Variants in LINGO2 observed in about 807,000 individuals in gnomAD.
LINGO2 encodes leucine-rich repeat and immunoglobulin-like domain-containing nogo receptor-interacting protein 2.
A neutral mutation model predicts 30.6 loss-of-function variants in LINGO2; 14 were observed. The observed-to-expected ratio is 0.46, with a 90% CI of 0.30 to 0.72. The LOEUF is 0.72. LINGO2 is among the 30% of genes least tolerant of loss of function. LINGO2 has a pLI of 0.07. For synonymous variants in LINGO2, 317 were observed against 288.5 expected (o/e 1.10, Z -1.00); for missense variants, 729 against 751.7 (o/e 0.97, Z 0.35).
chr9:28,286,807 C>G (rs1823525381), intron 4 of LINGO2, among the ~76,000 whole-genome samples: 1 of 152,004 alleles, frequency 6.6e-6, no homozygotes, highest in African/African-American at 2.4e-5. Context: ...TGGGGCCTTT[C>G]AGAAGGTAGA....
chr9:29,182,092 A>G, the LINGO2 span, among the ~76,000 whole-genome samples: 1 of 152,182 alleles, frequency 6.6e-6, no homozygotes, highest in Non-Finnish European at 1.5e-5. Flanking sequence ...ATAAATAGAA[A>G]GATGAATTTT....
chr9:28,972,480 C>A, the LINGO2 span, among the ~76,000 whole-genome samples: 2 of 151,892 alleles, frequency 1.3e-5, no homozygotes, highest in Non-Finnish European at 2.9e-5. Flanking sequence ...AAGAACCAAG[C>A]AAAAATTCTG....
At chr9:28,735,041 G>A in the LINGO2 span, among the ~76,000 whole-genome samples, 1 of 152,094 alleles carries the variant, frequency 6.6e-6, no homozygotes, top group Non-Finnish European at 1.5e-5. Context: ...GCTGGTTACA[G>A]TTTTTTGTAC....
chr9:29,120,955 T>A, the LINGO2 span, among the ~76,000 whole-genome samples: 1 of 152,134 alleles, frequency 6.6e-6, no homozygotes, highest in African/African-American at 2.4e-5. Flanking sequence ...TATAACTAAA[T>A]CTTGACTACA....
the LINGO2 span, among the ~76,000 whole-genome samples, chr9:29,139,503 T>C: frequency 6.6e-6 from 1 of 151,984 alleles, no homozygotes; most frequent in Non-Finnish European, 1.5e-5. Context: ...AATTAGAAAA[T>C]TGAAATCTGG....
chr9:28,848,363 TTGTGTG>T, the LINGO2 span, among the ~76,000 whole-genome samples: 919 of 74,518 alleles, frequency 0.012, 15 homozygotes, highest in African/African-American at 0.026. Flanking sequence ...TACACATATA[TTGTGTG>T]TGTGTGTGTG....
At chr9:28,484,926 G>C (rs1826114063) in intron 1 of LINGO2, among the ~76,000 whole-genome samples, 1 of 152,054 alleles carries the variant, frequency 6.6e-6, no homozygotes, top group Non-Finnish European at 1.5e-5. Context: ...AACTCTTAGA[G>C]AGGGATGGAA....
At chr9:28,219,689 A>G (rs1820890895) in intron 4 of LINGO2, among the ~76,000 whole-genome samples, 1 of 152,168 alleles carries the variant, frequency 6.6e-6, no homozygotes, top group African/African-American at 2.4e-5. Flanking sequence ...GTAGGTTTAT[A>G]CCCTTCATAG....
At chr9:28,251,360 C>A (rs1420779541) in intron 4 of LINGO2, among the ~76,000 whole-genome samples, 1 of 152,192 alleles carries the variant, frequency 6.6e-6, no homozygotes, top group African/African-American at 2.4e-5. Flanking sequence ...AATATGCCTC[C>A]TTTTTGTAAA....
intron 4 of LINGO2, among the ~76,000 whole-genome samples, chr9:28,090,838 G>T (rs536929840): frequency 6.6e-6 from 1 of 152,206 alleles, no homozygotes; most frequent in East Asian, 1.9e-4. Context: ...TCAAAATCTT[G>T]TTAAGTTGAT....
chr9:28,101,042 A>T (rs1467514032), intron 4 of LINGO2, among the ~76,000 whole-genome samples: 4 of 149,166 alleles, frequency 2.7e-5, no homozygotes, highest in South Asian at 2.1e-4. Flanking sequence ...AAAATTACAC[A>T]TTTTTTTTTT....
At chr9:28,126,134 C>T (rs892603406) in intron 4 of LINGO2, among the ~76,000 whole-genome samples, 4 of 152,108 alleles carry the variant, frequency 2.6e-5, no homozygotes, top group South Asian at 4.1e-4. Flanking sequence ...AATTCCTCAA[C>T]ATAATTTTTG....
chr9:28,620,495 T>A (rs545771511), intron 1 of LINGO2, among the ~76,000 whole-genome samples: 15 of 152,180 alleles, frequency 9.9e-5, no homozygotes, highest in African/African-American at 3.4e-4. Flanking sequence ...TTGAAAATAA[T>A]GTGTGCAACA....
the LINGO2 span, among the ~76,000 whole-genome samples, chr9:29,036,576 T>C: frequency 1.3e-5 from 2 of 152,030 alleles, no homozygotes; most frequent in Non-Finnish European, 2.9e-5. Context: ...CATGTAATAA[T>C]ACAGTCTGTA....
chr9:28,186,191 T>A (rs1028086006), intron 4 of LINGO2, among the ~76,000 whole-genome samples: 2 of 152,142 alleles, frequency 1.3e-5, no homozygotes, highest in Non-Finnish European at 2.9e-5. Flanking sequence ...TATAGGGGGA[T>A]TGGAAAAGTC....
At chr9:28,063,877 T>G (rs924328160) in intron 4 of LINGO2, among the ~76,000 whole-genome samples, 3 of 152,176 alleles carry the variant, frequency 2.0e-5, no homozygotes, top group Non-Finnish European at 4.4e-5. Context: ...CAATCCTTTT[T>G]GGTTTCCTGC....
intron 5 of LINGO2, among the ~76,000 whole-genome samples, chr9:27,954,990 C>T (rs922116449): frequency 2.0e-5 from 3 of 152,022 alleles, no homozygotes; most frequent in Non-Finnish European, 4.4e-5. Flanking sequence ...TTTGCATTTC[C>T]CTGATGATTA....
At chr9:28,545,887 A>T (rs1223311190) in intron 1 of LINGO2, among the ~76,000 whole-genome samples, 1 of 152,128 alleles carries the variant, frequency 6.6e-6, no homozygotes, top group Non-Finnish European at 1.5e-5. Flanking sequence ...GTGGGTGAGT[A>T]AACTTTTAAA....
At chr9:28,310,044 C>A (rs1033101929) in intron 3 of LINGO2, among the ~76,000 whole-genome samples, 1 of 152,062 alleles carries the variant, frequency 6.6e-6, no homozygotes, top group Non-Finnish European at 1.5e-5. Context: ...AACTTTTATA[C>A]AGTGCTGGTA....
Sources: allele counts gnomAD v4.1 joint callset (sites outside exome capture counted in the v4.1 genomes callset), GRCh38; gene constraint gnomAD v4.1.1; transcripts MANE v1.5; gene names NCBI Gene and HGNC (gene_info 2026-07-23, HGNC 2026-07-21).